The following CNGB1 variants were observed in gnomAD, a reference collection of about 807,000 sequenced individuals.
CNGB1 encodes cyclic nucleotide gated channel subunit beta 1, also known as cyclic nucleotide-gated channel beta-1.
In CNGB1, 126 loss-of-function variants were observed where a neutral mutation model predicts 151.7. That is an observed-to-expected ratio of 0.83 (90% confidence interval 0.72 to 0.96). CNGB1 has a LOEUF of 0.96. Among genes scored for constraint, CNGB1 ranks in the 40% least tolerant of loss-of-function variants. The probability of loss-of-function intolerance (pLI) is 0.00; values close to 1 mark genes in which losing one functional copy is unlikely to be tolerated. For missense variants in CNGB1, 1,698 were observed against 1,627.0 expected, an observed-to-expected ratio of 1.04 and a Z score of -0.75; for synonymous variants, 623 against 635.1, an observed-to-expected ratio of 0.98 and a Z score of 0.29.
intron 31 of CNGB1, 92 bp downstream of exon 31, chr16:57,897,301 CAAAA>C (rs397944283): frequency 4.7e-4 from 495 of 1,052,064 alleles, no homozygotes; most frequent in Middle Eastern, 9.4e-4. Flanking sequence ...GATGTCATCT[CAAAA>C]AAAAAAAAAA....
At chr16:57,907,073 G>T (rs1173073074) in intron 25 of CNGB1, among the ~76,000 whole-genome samples, 1 of 152,174 alleles carries the variant, frequency 6.6e-6, no homozygotes, top group African/African-American at 2.4e-5. Context: ...TCACATGTTG[G>T]GGTTCCCTGC....
intron 31 of CNGB1, among the ~76,000 whole-genome samples, chr16:57,890,018 TTC>T (rs746347135): frequency 6.6e-6 from 1 of 152,154 alleles, no homozygotes; most frequent in Non-Finnish European, 1.5e-5. Flanking sequence ...ACCACCCTGT[TTC>T]TCTAGATAAG....
In CNGB1 at chr16:57,931,725, C is replaced by A. The variant is rs756544054; in HGVS notation, c.1526G>T (p.Gly509Val). ...DTLIVPSSASGTHRKKLPSED... is the reference protein window; with the variant it reads ...DTLIVPSSASVTHRKKLPSED... ...AAGCATAAAAGGTAACCTGTGTGTC[C>A]CCGAGGCTGAGCTTGGGACTATAAG... Residue 509 changes from glycine (G) to valine (V), a missense_variant, in exon 17 of 33, where the codon GGG (glycine) becomes GTG (valine). Gly to Val is a moderately radical substitution (Grantham distance 109). Transcript: ENST00000251102. 2 of 1,614,072 alleles carry A rather than the reference C, an allele frequency of 1.2e-6. No homozygotes were observed. The highest frequency in any genetic ancestry group is 1.7e-6 in the Non-Finnish European group (2 of 1,180,014).
At chr16:57,918,604 C>T (rs1341458214) in intron 20 of CNGB1, among the ~76,000 whole-genome samples, 6 of 152,136 alleles carry the variant, frequency 3.9e-5, no homozygotes, top group Non-Finnish European at 7.4e-5. Flanking sequence ...GTCCTGGGTC[C>T]GCACTAACTA....
At chr16:57,904,659 G>T (rs956456713) in intron 26 of CNGB1, 75 bp downstream of exon 26, 5 of 1,599,136 alleles carry the variant, frequency 3.1e-6, no homozygotes, top group African/African-American at 2.7e-5. Flanking sequence ...GGGCACAGAG[G>T]GTGACATTTC....
intron 32 of CNGB1, 123 bp downstream of exon 32, chr16:57,887,732 C>A: frequency 1.0e-6 from 1 of 952,702 alleles, no homozygotes; most frequent in Non-Finnish European, 1.7e-6. Context: ...TGAGCCCTGA[C>A]TGATAGAAAA....
At chr16:57,904,686 G>A (rs1464088984) in intron 26 of CNGB1, 48 bp downstream of exon 26, 5 of 1,612,742 alleles carry the variant, frequency 3.1e-6, no homozygotes, top group Non-Finnish European at 4.2e-6. Context: ...CAGTGGGAGG[G>A]GGCCCTGCAG....
chr16:57,921,678 AG>A (rs1283194879), intron 18 of CNGB1, among the ~76,000 whole-genome samples: 1 of 152,178 alleles, frequency 6.6e-6, no homozygotes, highest in Admixed American at 6.5e-5. Flanking sequence ...GTGAGCTCTC[AG>A]ACACAATACA....
At chr16:57,885,519 TTCC>T (rs1959893369) in intron 32 of CNGB1, among the ~76,000 whole-genome samples, 2 of 149,908 alleles carry the variant, frequency 1.3e-5, no homozygotes, top group South Asian at 2.1e-4. Context: ...CCTTCCTTCC[TTCC>T]TTTTTTCCTT....
chr16:57,912,885 G>C, intron 24 of CNGB1, 45 bp downstream of exon 24: 1 of 1,583,618 alleles, frequency 6.3e-7, no homozygotes. Context: ...GTGTTTGTGA[G>C]TGTCATGTGT....
At chr16:57,947,037 T>C (rs1307257254) in intron 14 of CNGB1, among the ~76,000 whole-genome samples, 1 of 152,240 alleles carries the variant, frequency 6.6e-6, no homozygotes, top group African/African-American at 2.4e-5. Context: ...GTGCTGCCTG[T>C]GCTTGTGCAT....
intron 31 of CNGB1, among the ~76,000 whole-genome samples, chr16:57,894,127 A>G (rs1188432889): frequency 1.3e-5 from 2 of 152,218 alleles, no homozygotes; most frequent in East Asian, 3.8e-4. Flanking sequence ...TGTAATTGCA[A>G]AATTGTGGAA....
At chr16:57,885,302 C>A (rs960478160) in intron 32 of CNGB1, among the ~76,000 whole-genome samples, 1 of 152,102 alleles carries the variant, frequency 6.6e-6, no homozygotes, top group Non-Finnish European at 1.5e-5. Flanking sequence ...GCAGAGAGAC[C>A]TGCGCCATTT....
chr16:57,907,663 C>A (rs1228367386), intron 25 of CNGB1, among the ~76,000 whole-genome samples: 1 of 152,212 alleles, frequency 6.6e-6, no homozygotes, highest in Non-Finnish European at 1.5e-5. Flanking sequence ...CTCCCCTTTG[C>A]ATAGAAAGGG....
Position 57,950,545 on chromosome 16 carries a change from A to T in CNGB1, c.875-5T>A, listed in dbSNP as rs1961922572. 5.6e-6 allele frequency: 9 copies of T among 1,613,988 alleles called. No individual in the cohort carries two copies. Among genetic ancestry groups the T allele is most frequent in the African/African-American group, 2.7e-5 (2 of 75,056 alleles). On this transcript the variant is annotated splice_region_variant and splice_polypyrimidine_tract_variant and intron_variant, in intron 12 of 32. Transcript: ENST00000251102. ...GTCCTCCAGGAAGGATGCTGACTGC[A>T]GGGAACACAGGAAGAGCCATTTATG...
intron 31 of CNGB1, among the ~76,000 whole-genome samples, chr16:57,897,134 T>C (rs1173367496): frequency 6.6e-6 from 1 of 151,952 alleles, no homozygotes; most frequent in Non-Finnish European, 1.5e-5. Flanking sequence ...ACCCCAGCTC[T>C]AGAAAAAAAT....
At chr16:57,917,505 A>G in intron 20 of CNGB1, 29 bp from the exon 21 acceptor site, 1 of 1,609,178 alleles carries the variant, frequency 6.2e-7, no homozygotes, top group Non-Finnish European at 8.5e-7. Context: ...GGGACGCTAG[A>G]GCATCAGCCA....
chr16:57,933,478 G>T (rs1189784621), intron 16 of CNGB1, among the ~76,000 whole-genome samples: 2 of 152,078 alleles, frequency 1.3e-5, no homozygotes, highest in Non-Finnish European at 2.9e-5. Context: ...CCTACCTTGG[G>T]CTCCATCACC....
intron 14 of CNGB1, among the ~76,000 whole-genome samples, chr16:57,948,256 A>G (rs551950579): frequency 1.1e-3 from 163 of 151,826 alleles, no homozygotes; most frequent in African/African-American, 3.6e-3. Context: ...CGCCTTTGGG[A>G]AAACAAGTTC....
Sources: gnomAD v4.1 joint callset for allele counts (sites outside exome capture counted in the v4.1 genomes callset) on GRCh38, gnomAD v4.1.1 for gene constraint, MANE v1.5 for transcripts, NCBI Gene and HGNC (gene_info 2026-07-23, HGNC 2026-07-21) for gene names.